The following SLC2A14 variants were observed in gnomAD, a reference collection of about 807,000 sequenced individuals.
SLC2A14 encodes solute carrier family 2 member 14.
A neutral mutation model predicts 43.0 loss-of-function variants in SLC2A14; 13 were observed. The observed-to-expected ratio is 0.30, with a 90% CI of 0.20 to 0.48. The LOEUF is 0.48. Among genes scored for constraint, SLC2A14 ranks in the 20% least tolerant of loss-of-function variants. The pLI is 0.99. For missense variants in SLC2A14, 428 were observed against 620.4 expected (o/e 0.69, Z 3.29); for synonymous variants, 190 against 233.8 (o/e 0.81, Z 1.71).
chr12:7,858,530 G>A (rs73257020), intron 2 of SLC2A14, among the ~76,000 whole-genome samples: 1,718 of 151,924 alleles, frequency 0.011, 33 homozygotes, highest in African/African-American at 0.039. Flanking sequence ...ATGGAGTTTC[G>A]CTCCTATTGC....
chr12:7,880,690 CAA>C (rs753621437), intron 1 of SLC2A14, among the ~76,000 whole-genome samples: 3,063 of 64,996 alleles, frequency 0.047, 117 homozygotes, highest in African/African-American at 0.1. Flanking sequence ...AGCTGGGTCT[CAA>C]AAAAAAAAAA....
chr12:7,860,221 GTATT>G, intron 2 of SLC2A14, among the ~76,000 whole-genome samples: 1 of 152,268 alleles, frequency 6.6e-6, no homozygotes, highest in South Asian at 2.1e-4. Context: ...TGTGGATTGT[GTATT>G]TAGTTAGGCC....
At position 7,820,534 on chromosome 12, in the gene SLC2A14, C is replaced by T. The variant is rs76994951; in HGVS notation, c.969+687G>A. On this transcript the variant is annotated intron_variant, in intron 8 of 10. Transcript: ENST00000431042. ...CAGGACACCTAGATAGTGTCCACTA[C>T]GGAACTGATTGCTTACTTGATGGGG... 6.9e-3 allele frequency among the ~76,000 whole-genome samples: 1,049 copies of T among 152,198 alleles called. 16 individuals are homozygous for T. Among genetic ancestry groups the T allele is most frequent in the African/African-American group, 0.023 (962 of 41,526 alleles).
chr12:7,824,745 A>AG lies in SLC2A14; in HGVS notation c.864+2749_864+2750insC, dbSNP rs760320314. Among the ~76,000 whole-genome samples the AG allele has an allele frequency of 4.0e-3, 611 of 151,612 alleles. 3 individuals carry two copies. The highest frequency in any genetic ancestry group is 6.8e-3 in the Non-Finnish European group (462 of 67,870). On this transcript the variant is annotated intron_variant, in intron 7 of 10. Coordinates refer to ENST00000431042, the MANE Select transcript of SLC2A14 (RefSeq NM_001286234.2). ...CTCTGTCTCAAAAAAAAAAAAAAAA[A>AG]AGAATACATTGTTTGCACAAAAGTA...
chr12:7,827,193 C>G (rs138493623), intron 7 of SLC2A14, among the ~76,000 whole-genome samples: 2,661 of 151,092 alleles, frequency 0.018, 74 homozygotes, highest in African/African-American at 0.061. Flanking sequence ...TCACTGCAAC[C>G]TCCGCCTCCC....
chr12:7,863,137 G>A lies in SLC2A14; in HGVS notation c.18+6726C>T, dbSNP rs898344995. ...GCTTTTATGAGCTGTAACTCTCACCGCAAAGGTCTGCAGCTTCATTTTTGA... is the reference window on the plus strand; with the variant it reads ...GCTTTTATGAGCTGTAACTCTCACCACAAAGGTCTGCAGCTTCATTTTTGA... On this transcript the variant is annotated intron_variant, in intron 2 of 10. Transcript: ENST00000431042. 2.6e-5 allele frequency among the ~76,000 whole-genome samples: 4 copies of A among 152,036 alleles called. No homozygotes were observed. In the South Asian group the frequency reaches 8.3e-4, roughly 31 times the overall value.
upstream of SLC2A14, among the ~76,000 whole-genome samples, chr12:7,877,005 C>CTTT (rs57906469): frequency 2.3e-5 from 3 of 132,928 alleles, no homozygotes; most frequent in South Asian, 2.3e-4. Context: ...AATTTTTTTT[C>CTTT]TTTTTTTTTT....
intron 1 of SLC2A14, among the ~76,000 whole-genome samples, chr12:7,886,596 TCTAA>T (rs1487756808): frequency 1.3e-5 from 2 of 152,084 alleles, no homozygotes; most frequent in Non-Finnish European, 2.9e-5. Context: ...ATTTGTAATC[TCTAA>T]CTAAACTAAG....
At chr12:7,816,606 G>A (rs1863478203) in intron 10 of SLC2A14, among the ~76,000 whole-genome samples, 1 of 150,712 alleles carries the variant, frequency 6.6e-6, no homozygotes, top group South Asian at 2.1e-4. Flanking sequence ...GTGCCTGCCT[G>A]TAATCCCAGC....
chr12:7,827,948 G>A (rs1166009316), intron 6 of SLC2A14, among the ~76,000 whole-genome samples: 2 of 152,124 alleles, frequency 1.3e-5, no homozygotes, highest in Non-Finnish European at 2.9e-5. Context: ...GACCAGCCTG[G>A]CCAACATGGT....
At chr12:7,826,986 TTC>T (rs34824750) in intron 7 of SLC2A14, among the ~76,000 whole-genome samples, 19,141 of 106,640 alleles carry the variant, frequency 0.18, 4,388 homozygotes, top group Middle Eastern at 0.23. Flanking sequence ...TTTCTCTCCT[TTC>T]TCTCTTTCTC....
intron 9 of SLC2A14, 93 bp from the exon 10 acceptor site, chr12:7,818,127 T>TC (rs1467077848): frequency 2.1e-5 from 23 of 1,102,508 alleles, no homozygotes; most frequent in Non-Finnish European, 2.9e-5. Context: ...GCTCCTCCTG[T>TC]CCTGACGTAC....
chr12:7,849,423 A>G (rs2120918286), intron 2 of SLC2A14, among the ~76,000 whole-genome samples: 1 of 151,974 alleles, frequency 6.6e-6, no homozygotes, highest in South Asian at 2.1e-4. Context: ...AGGATCATTC[A>G]AGCTCTGGAG....
chr12:7,816,716 T>C (rs1196994644), intron 10 of SLC2A14, among the ~76,000 whole-genome samples: 1 of 151,884 alleles, frequency 6.6e-6, no homozygotes, highest in Non-Finnish European at 1.5e-5. Flanking sequence ...AATTGTTTTG[T>C]TTTGTTTTTG....
chr12:7,862,816 G>A (rs766780735), intron 2 of SLC2A14, among the ~76,000 whole-genome samples: 43 of 152,250 alleles, frequency 2.8e-4, no homozygotes, highest in African/African-American at 1.0e-3. Flanking sequence ...TAGCTGCTCT[G>A]GTGGGGCCTT....
rs148992229 is a variant in SLC2A14 at position 7,830,129 on chromosome 12, T to C, written c.273-123A>G. On this transcript the variant is annotated intron_variant, in intron 4 of 10. Coordinates refer to ENST00000431042, the MANE Select transcript of SLC2A14 (RefSeq NM_001286234.2). The stretch of plus-strand genomic sequence containing the variant: ...ATCAACTCCTTTTTTGGTCTAACTT[T>C]TCTTTTTCACTTTCTTTTCTTTTCT... The C allele has an allele frequency of 3.8e-4, 495 of 1,311,074 alleles. 2 individuals are homozygous for C. In the African/African-American group the frequency reaches 6.7e-3, roughly 18 times the overall value. 81.2% of individuals were successfully genotyped at this position (1,311,074 alleles called of 1,614,324 possible). A position where few individuals can be genotyped will look rare whatever the true frequency, so the allele number is the denominator to read the frequency against.
At chr12:7,854,680 G>A (rs1867211806) in intron 2 of SLC2A14, among the ~76,000 whole-genome samples, 1 of 151,680 alleles carries the variant, frequency 6.6e-6, no homozygotes, top group East Asian at 1.9e-4. Context: ...ACCACACCCG[G>A]CTAATTTTGT....
intron 2 of SLC2A14, among the ~76,000 whole-genome samples, chr12:7,845,952 G>T (rs928781721): frequency 1.3e-5 from 2 of 151,784 alleles, no homozygotes; most frequent in Admixed American, 1.3e-4. Context: ...AATTAGCTGG[G>T]CGTGGTGGTG....
At position 7,882,707 on chromosome 12, in the gene SLC2A14, C is replaced by T. The variant is rs769562815; in HGVS notation, c.132+8289G>A. On this transcript the variant is annotated intron_variant, in intron 1 of 9. Transcript: ENST00000539924. ...CGAAAGTTAGTCCAGCATAGTGGCG[C>T]ACGCCTGTAATCCCAGCTACGTGGG... Among the ~76,000 whole-genome samples the T allele has an allele frequency of 3.9e-5, 6 of 152,002 alleles. No homozygotes were observed. In the East Asian group the frequency reaches 1.2e-3, roughly 29 times the overall value.
Sources: gnomAD v4.1 joint callset for allele counts (sites outside exome capture counted in the v4.1 genomes callset) on GRCh38, gnomAD v4.1.1 for gene constraint, MANE v1.5 for transcripts, NCBI Gene and HGNC (gene_info 2026-07-23, HGNC 2026-07-21) for gene names.